DROSHA: variants seen among roughly 807,000 people sequenced by gnomAD.
DROSHA encodes drosha ribonuclease III, also known as ribonuclease 3.
Under a neutral mutation model 181.9 loss-of-function variants are expected in DROSHA, and 56 were observed. The observed-to-expected ratio is 0.31, with a 90% confidence interval of 0.25 to 0.38. The LOEUF (loss-of-function observed/expected upper bound fraction) is 0.38. Among genes scored for constraint, DROSHA ranks in the 10% least tolerant of loss-of-function variants. DROSHA has a pLI of 1.00. For missense variants in DROSHA, 1,218 were observed against 1,743.5 expected (o/e 0.70, Z 5.37); for synonymous variants, 524 against 591.2 (o/e 0.89, Z 1.65).
At chr5:31,509,212 C>T (rs1738375271) in intron 9 of DROSHA, among the ~76,000 whole-genome samples, 1 of 150,404 alleles carries the variant, frequency 6.6e-6, no homozygotes, top group Admixed American at 6.6e-5. Flanking sequence ...ACTTAAAGGC[C>T]TACTCTACAC....
chr5:31,401,381 A>G lies in DROSHA; in HGVS notation c.*51T>C. On this transcript the variant is annotated 3_prime_UTR_variant, in exon 36 of 36. Transcript: ENST00000344624. The stretch of plus-strand genomic sequence containing the variant: ...AAAACTAGGCTAGGTCTCAATAGAC[A>G]ACAGTCACAGTTACTGAGCAAGTAA... 6.3e-7 allele frequency: 1 copy of G among 1,598,510 alleles called. No individual in the cohort carries two copies.
At position 31,422,959 on chromosome 5, in the gene DROSHA, A is replaced by T. The variant is rs1742944977; in HGVS notation, c.3262-15T>A. The T allele has an allele frequency of 6.6e-7, 1 of 1,506,356 alleles. No homozygotes were observed. The highest frequency in any genetic ancestry group is 1.4e-5 in the African/African-American group (1 of 70,532). The allele number at this position is 1,506,356 out of a possible 1,614,324, so 93.3% of individuals were successfully genotyped here. A position where few individuals can be genotyped will look rare whatever the true frequency, so the allele number is the denominator to read the frequency against. The stretch of plus-strand genomic sequence containing the variant: ...GGCTCTTGTAGCTACAGGAAAATAG[A>T]AATAAATAAAAATCATTTTTTCATT... On this transcript the variant is annotated splice_polypyrimidine_tract_variant and intron_variant, in intron 28 of 35. Coordinates refer to ENST00000344624, the MANE Select transcript of DROSHA (RefSeq NM_001382508.1).
At chr5:31,489,898 CGCGG>C (rs1561242897) in intron 13 of DROSHA, among the ~76,000 whole-genome samples, 6 of 5,244 alleles carry the variant, frequency 1.1e-3, no homozygotes, top group Admixed American at 0.011. Context: ...CTTTTTTTGA[CGCGG>C]AGTTTCGCTC....
chr5:31,521,276 T>G, intron 5 of DROSHA, 61 bp from the exon 6 acceptor site: 1 of 1,547,672 alleles, frequency 6.5e-7, no homozygotes, highest in Non-Finnish European at 8.9e-7. Flanking sequence ...ACCATCTCTT[T>G]TCACTGAATT....
intron 11 of DROSHA, among the ~76,000 whole-genome samples, chr5:31,498,917 A>C (rs1561257824): frequency 6.6e-6 from 1 of 151,740 alleles, no homozygotes. Flanking sequence ...CTGTGACAGC[A>C]TCAGTTGTGA....
intron 23 of DROSHA, among the ~76,000 whole-genome samples, chr5:31,446,446 C>CAAAAAAAAA (rs60001713): frequency 0.14 from 7,979 of 58,912 alleles, 980 homozygotes; most frequent in East Asian, 0.24. Context: ...GACTCTGTCT[C>CAAAAAAAAA]AAAAAAAAAA....
intron 13 of DROSHA, among the ~76,000 whole-genome samples, chr5:31,492,073 C>T (rs751737993): frequency 2.0e-5 from 3 of 152,182 alleles, no homozygotes; most frequent in Non-Finnish European, 4.4e-5. Context: ...GGATTACAGG[C>T]GTGAGCCACC....
chr5:31,451,563 T>C lies in DROSHA; in HGVS notation c.2652A>G (p.Gly884=), dbSNP rs1314480588. 6.2e-7 allele frequency: 1 copy of C among 1,612,418 alleles called. No individual in the cohort carries two copies. The highest frequency in any genetic ancestry group is 8.5e-7 in the Non-Finnish European group (1 of 1,179,252). Residue 884 remains glycine (G), a synonymous_variant, in exon 21 of 36, where the codon GGA becomes GGG. Coordinates refer to ENST00000344624, the MANE Select transcript of DROSHA (RefSeq NM_001382508.1). ...ACAGACAACGATCTTGGAAAGTATA[T>C]CCTATCAACTTGTCCAAATGCATTA... ...QCLMHLDKLI[G]YTFQDRCLLQ...
chr5:31,523,891 C>T (rs1174884970), intron 5 of DROSHA, among the ~76,000 whole-genome samples: 1 of 149,654 alleles, frequency 6.7e-6, no homozygotes, highest in Non-Finnish European at 1.5e-5. Context: ...AGGAGAATCG[C>T]TTGAACCCGG....
chr5:31,532,009 C>A lies in DROSHA; in HGVS notation c.-269G>T. On this transcript the variant is annotated 5_prime_UTR_variant, in exon 1 of 36. Transcript: ENST00000344624. The stretch of plus-strand genomic sequence containing the variant: ...TTTTACCTATAAAAGGCTCTCGGGC[C>A]GCGAGATCGCCGTCAGAGCAAAGCC... The A allele has an allele frequency of 3.8e-6, 1 of 263,034 alleles. No individual in the cohort carries two copies. Among genetic ancestry groups the A allele is most frequent in the Non-Finnish European group, 7.4e-6 (1 of 135,296 alleles). The allele number at this position is 263,034 out of a possible 1,614,324, so 16.3% of individuals were successfully genotyped here. A position where few individuals can be genotyped will look rare whatever the true frequency, so the allele number is the denominator to read the frequency against.
intron 20 of DROSHA, among the ~76,000 whole-genome samples, chr5:31,454,898 C>T (rs544677324): frequency 1.7e-4 from 24 of 143,692 alleles, no homozygotes; most frequent in Admixed American, 6.4e-4. Context: ...CGAGATCGTG[C>T]CACTGCACTC....
At chr5:31,426,693 T>TAA in intron 27 of DROSHA, among the ~76,000 whole-genome samples, 1 of 152,100 alleles carries the variant, frequency 6.6e-6, no homozygotes, top group South Asian at 2.1e-4. Flanking sequence ...AAAGAGGGAT[T>TAA]AAAAAAACGG....
intron 12 of DROSHA, among the ~76,000 whole-genome samples, chr5:31,494,122 C>T (rs1311344272): frequency 6.6e-6 from 1 of 152,084 alleles, no homozygotes; most frequent in Non-Finnish European, 1.5e-5. Context: ...GCGTGCACCA[C>T]TATGCCAGGC....
At chr5:31,448,684 A>C in intron 22 of DROSHA, 77 bp from the exon 23 acceptor site, 1 of 1,066,534 alleles carries the variant, frequency 9.4e-7, no homozygotes, top group Non-Finnish European at 1.4e-6. Context: ...CAGTAGAAAA[A>C]AATTATCTCA....
At chr5:31,436,148 A>G (rs1356270083) in intron 24 of DROSHA, among the ~76,000 whole-genome samples, 1 of 152,174 alleles carries the variant, frequency 6.6e-6, no homozygotes, top group Non-Finnish European at 1.5e-5. Flanking sequence ...TCAGTTACAC[A>G]CTCTAAGAGC....
chr5:31,487,730 T>C (rs1217116123), intron 13 of DROSHA, among the ~76,000 whole-genome samples: 5 of 152,238 alleles, frequency 3.3e-5, no homozygotes, highest in African/African-American at 9.6e-5. Flanking sequence ...TTTTCTCAGA[T>C]ACAAAGTTTA....
intron 23 of DROSHA, among the ~76,000 whole-genome samples, chr5:31,442,927 C>T (rs1292056090): frequency 6.6e-6 from 1 of 151,902 alleles, no homozygotes; most frequent in East Asian, 1.9e-4. Flanking sequence ...ATGGAATTTA[C>T]ATATATTTAA....
chr5:31,423,290 C>T (rs1742999969), intron 28 of DROSHA: 1 of 161,346 alleles, frequency 6.2e-6, no homozygotes, highest in African/African-American at 2.4e-5. Flanking sequence ...GGTTCTCAAA[C>T]TCCAGCATGC....
At chr5:31,436,866 G>C (rs1354367913) in intron 24 of DROSHA, among the ~76,000 whole-genome samples, 3 of 151,738 alleles carry the variant, frequency 2.0e-5, no homozygotes, top group African/African-American at 7.3e-5. Flanking sequence ...GTAAGAAAGG[G>C]ATCAAAGACA....
Sources: gnomAD v4.1 joint callset for allele counts (sites outside exome capture counted in the v4.1 genomes callset) on GRCh38, gnomAD v4.1.1 for gene constraint, MANE v1.5 for transcripts, NCBI Gene and HGNC (gene_info 2026-07-23, HGNC 2026-07-21) for gene names.